DNAH2: variants seen among roughly 807,000 people sequenced by gnomAD.
DNAH2 encodes the protein axonemal beta dynein heavy chain 2.
A neutral mutation model predicts 523.5 loss-of-function variants in DNAH2; 323 were observed. The observed-to-expected ratio is 0.62, with a 90% CI of 0.56 to 0.68. The LOEUF is 0.68. Ranked by LOEUF, DNAH2 falls within the 30% of genes least tolerant of loss-of-function variation. The pLI, the probability that DNAH2 is intolerant of heterozygous loss-of-function variation, is 0.00. For missense variants in DNAH2, 4,907 were observed against 5,701.5 expected (o/e 0.86, Z 4.49); for synonymous variants, 2,093 against 2,177.4 (o/e 0.96, Z 1.08).
chr17:7,718,513 C>G lies in DNAH2; in HGVS notation c.-301C>G, dbSNP rs1417378702. ...ACTTTGCGCCTGGGATTCTGAGCAC[C>G]TGTCCGAGATCCCCGCTTCCTGCCA... On this transcript the variant is annotated 5_prime_UTR_variant, in exon 1 of 86. Transcript: ENST00000572933. 6.6e-6 allele frequency: 1 copy of G among 152,184 alleles called. No individual in the cohort carries two copies. Among genetic ancestry groups the G allele is most frequent in the Non-Finnish European group, 1.5e-5 (1 of 68,038 alleles). The allele number at this position is 152,184 out of a possible 1,614,324, so 9.4% of individuals were successfully genotyped here.
chr17:7,794,463 T>G (rs1200344596), intron 49 of DNAH2, 105 bp downstream of exon 49: 1 of 989,936 alleles, frequency 1.0e-6, no homozygotes, highest in Admixed American at 2.7e-5. Flanking sequence ...GCACCCCAAG[T>G]GGAGCTCCAC....
intron 39 of DNAH2, among the ~76,000 whole-genome samples, chr17:7,782,718 A>C (rs901109993): frequency 1.3e-5 from 2 of 152,088 alleles, no homozygotes; most frequent in Admixed American, 1.3e-4. Context: ...TGTCATCTCA[A>C]CACTTTGGAG....
intron 63 of DNAH2, among the ~76,000 whole-genome samples, chr17:7,815,679 C>A (rs1243296524): frequency 1.3e-5 from 2 of 151,830 alleles, no homozygotes; most frequent in African/African-American, 4.8e-5. Flanking sequence ...CGGGATCACA[C>A]ACACATATAT....
intron 24 of DNAH2, 125 bp from the exon 25 acceptor site, chr17:7,770,127 C>G: frequency 7.6e-7 from 1 of 1,307,404 alleles, no homozygotes; most frequent in South Asian, 1.7e-5. Flanking sequence ...CATCTTCGAG[C>G]CTGTTTAGCA....
chr17:7,823,447 G>A lies in DNAH2; in HGVS notation c.11148G>A (p.Leu3716=), dbSNP rs139424369. The A allele has an allele frequency of 4.3e-6, 7 of 1,613,248 alleles. No homozygotes were observed. The African/African-American group carries it at 9.4e-5, about 22-fold the overall frequency. ...TCCTCCCCTTCTCCCACCAGGTCTT[G>A]GATCGGGAGGGCCAAATGGACAATC... The part of the protein sequence containing the change: ...YNFFLRGGVV[L]DREGQMDNPC... Residue 3716 remains leucine (L), a synonymous_variant, in exon 74 of 86, where the codon TTG becomes TTA. Coordinates refer to ENST00000572933, the MANE Select transcript of DNAH2 (RefSeq NM_020877.5).
At chr17:7,741,961 C>A (rs1335059727) in intron 11 of DNAH2, among the ~76,000 whole-genome samples, 1 of 151,998 alleles carries the variant, frequency 6.6e-6, no homozygotes, top group Non-Finnish European at 1.5e-5. Context: ...CTGCGCCCGG[C>A]CTCATTTTAG....
At chr17:7,731,646 C>T (rs916764198) in intron 4 of DNAH2, among the ~76,000 whole-genome samples, 2 of 151,992 alleles carry the variant, frequency 1.3e-5, no homozygotes, top group Admixed American at 6.6e-5. Flanking sequence ...GACATTTTAA[C>T]TTTTATCTTT....
At chr17:7,816,823 G>A (rs1374492882) in intron 64 of DNAH2, 88 bp downstream of exon 64, 1 of 1,513,102 alleles carries the variant, frequency 6.6e-7, no homozygotes, top group Non-Finnish European at 8.9e-7. Context: ...AGCAGTCAGG[G>A]AAAACGGGGA....
intron 12 of DNAH2, among the ~76,000 whole-genome samples, chr17:7,751,050 T>C (rs546138286): frequency 2.1e-4 from 32 of 152,322 alleles, no homozygotes; most frequent in African/African-American, 7.2e-4. Context: ...GTCGTGGGAA[T>C]GTTTATCCTT....
In DNAH2 at chr17:7,766,437, A is replaced by G. The variant is rs775465490; in HGVS notation, c.3631A>G (p.Lys1211Glu). 6.2e-7 allele frequency: 1 copy of G among 1,613,910 alleles called. No homozygotes were observed. Among genetic ancestry groups the G allele is most frequent in the Non-Finnish European group, 8.5e-7 (1 of 1,179,936 alleles). The change falls in exon 22 of 86, where the codon AAG becomes GAG. Residue 1211 changes from lysine to glutamate, a missense_variant. Lys to Glu is a moderately conservative substitution (Grantham distance 56). This residue lies in a region of DNAH2 where 2,806 missense variants were observed against 3,190.8 expected (regional missense o/e 0.88). Coordinates refer to ENST00000572933, the MANE Select transcript of DNAH2 (RefSeq NM_020877.5). ...TCTCCGAGCCAACCTGGGCATCTTC[A>G]AGATCGAGCAGCCACCCTCCAAGGA... ...NSLRANLGIF[K>E]IEQPPSKDLQ...
At chr17:7,808,255 C>T (rs2077421155) in intron 63 of DNAH2, among the ~76,000 whole-genome samples, 1 of 151,934 alleles carries the variant, frequency 6.6e-6, no homozygotes, top group Admixed American at 6.6e-5. Flanking sequence ...CCTGTAATCC[C>T]AGCTACTCAG....
chr17:7,787,854 C>G lies in DNAH2; in HGVS notation c.6604-6C>G. 1 of 1,611,700 alleles carries G rather than the reference C, an allele frequency of 6.2e-7. No individual in the cohort carries two copies. The highest frequency in any genetic ancestry group is 8.5e-7 in the Non-Finnish European group (1 of 1,178,876). ...AGATGAAGTTCTGACAAACGTATAT[C>G]CTTAGGTGTCTCTCCTGTTTGAAGT... is the stretch of plus-strand genomic sequence containing the variant. On this transcript the variant is annotated splice_polypyrimidine_tract_variant and splice_region_variant and intron_variant, in intron 42 of 85. Coordinates refer to ENST00000572933, the MANE Select transcript of DNAH2 (RefSeq NM_020877.5).
rs770462508 is a variant in DNAH2 at position 7,786,835 on chromosome 17, C to T, written c.6467-62C>T. 7 of 1,609,988 alleles carry T rather than the reference C, an allele frequency of 4.3e-6. No individual in the cohort carries two copies. The highest frequency in any genetic ancestry group is 4.5e-5 in the East Asian group (2 of 44,766). On this transcript the variant is annotated intron_variant, in intron 41 of 85. Coordinates refer to ENST00000572933, the MANE Select transcript of DNAH2 (RefSeq NM_020877.5). This position sits in a 1 kb window ranked among gnomAD's most constrained non-coding sequence, Gnocchi z 7.5. ...AGTGTAGGCTTGTGTCTCCGAGGAG[C>T]GTGAGCGGAGGGTGCAAGGTGAGCG...
intron 28 of DNAH2, among the ~76,000 whole-genome samples, chr17:7,773,863 T>G (rs1381735689): frequency 6.6e-6 from 1 of 151,974 alleles, no homozygotes; most frequent in Non-Finnish European, 1.5e-5. Context: ...CCGAGTAGCT[T>G]GGATTACAGG....
intron 2 of DNAH2, among the ~76,000 whole-genome samples, chr17:7,720,848 C>G (rs2074578574): frequency 1.3e-5 from 2 of 151,866 alleles, no homozygotes; most frequent in African/African-American, 4.8e-5. Flanking sequence ...TTGCTCGCTG[C>G]TAGGAGGAGT....
rs1423629529 is a variant in DNAH2 at position 7,734,452 on chromosome 17, T to G, written c.740-18T>G. ...GCAGTGTGAAGAAACGAAGGAGATTTTGTACTCTCCCCTGCAGCCTCCATG... is the reference window on the plus strand; with the variant it reads ...GCAGTGTGAAGAAACGAAGGAGATTGTGTACTCTCCCCTGCAGCCTCCATG... On this transcript the variant is annotated intron_variant, in intron 6 of 85. Coordinates refer to ENST00000572933, the MANE Select transcript of DNAH2 (RefSeq NM_020877.5). 6.2e-7 allele frequency: 1 copy of G among 1,611,770 alleles called. No individual in the cohort carries two copies. The highest frequency in any genetic ancestry group is 8.5e-7 in the Non-Finnish European group (1 of 1,178,442).
At chr17:7,763,658 C>T (rs2076070441) in intron 18 of DNAH2, among the ~76,000 whole-genome samples, 173 bp from the exon 19 acceptor site, 1 of 152,212 alleles carries the variant, frequency 6.6e-6, no homozygotes, top group African/African-American at 2.4e-5. Context: ...GACAGTCAGT[C>T]ACAGCTGCAT....
intron 12 of DNAH2, among the ~76,000 whole-genome samples, chr17:7,746,225 G>A (rs2075514778): frequency 1.3e-5 from 2 of 152,190 alleles, no homozygotes; most frequent in Non-Finnish European, 2.9e-5. Context: ...GGCATACAGT[G>A]TAAAATTCAA....
At chr17:7,823,742 C>G in intron 74 of DNAH2, 92 bp from the exon 75 acceptor site, 2 of 1,579,522 alleles carry the variant, frequency 1.3e-6, no homozygotes, top group Non-Finnish European at 1.7e-6. Flanking sequence ...CCTCCTGGCC[C>G]GGAGCACATT....
Sources: gnomAD v4.1 joint callset for allele counts (sites outside exome capture counted in the v4.1 genomes callset) on GRCh38, gnomAD v4.1.1 for gene constraint, gnomAD v4.1.1 regional missense constraint, Gnocchi (gnomAD v3.1) non-coding constraint, MANE v1.5 for transcripts, NCBI Gene and HGNC (gene_info 2026-07-23, HGNC 2026-07-21) for gene names.